The following PLEKHH2 variants were observed in gnomAD, a reference collection of about 807,000 sequenced individuals.
PLEKHH2 encodes the protein pleckstrin homology, MyTH4 and FERM domain containing H2, also known as pleckstrin homology domain-containing family H member 2.
Under a neutral mutation model 187.9 loss-of-function variants are expected in PLEKHH2, and 129 were observed. That is an observed-to-expected ratio of 0.69 (90% CI 0.59 to 0.79). The LOEUF is 0.79. Among genes scored for constraint, PLEKHH2 ranks in the 30% least tolerant of loss-of-function variants. PLEKHH2 has a pLI of 0.00. For missense variants in PLEKHH2, 2,076 were observed against 1,751.2 expected, an observed-to-expected ratio of 1.19 and a Z score of -3.31; for synonymous variants, 686 against 605.6, an observed-to-expected ratio of 1.13 and a Z score of -1.95.
In PLEKHH2 at chr2:43,644,661, A is replaced by AT; in HGVS notation, c.-3-3dup. 5 of 1,512,132 alleles carry AT rather than the reference A, an allele frequency of 3.3e-6. No individual in the cohort carries two copies. Among genetic ancestry groups the AT allele is most frequent in the Non-Finnish European group, 4.4e-6 (5 of 1,128,264 alleles). 93.7% of individuals were successfully genotyped at this position (1,512,132 alleles called of 1,614,324 possible). A position where few individuals can be genotyped will look rare whatever the true frequency, so the allele number is the denominator to read the frequency against. On this transcript the variant is annotated splice_polypyrimidine_tract_variant and intron_variant, in intron 1 of 29. Coordinates refer to ENST00000282406, the MANE Select transcript of PLEKHH2 (RefSeq NM_172069.4). ...TTTTAATTTTTTGTTTATTTATTTA[A>AT]TTTTTTTAGAATATGGCAGAGCTTT...
chr2:43,675,258 C>G, intron 2 of PLEKHH2: 3 of 589,044 alleles, frequency 5.1e-6, no homozygotes, highest in Non-Finnish European at 8.3e-6. Context: ...ATACTGTTTT[C>G]TAATAATATA....
intron 7 of PLEKHH2, among the ~76,000 whole-genome samples, chr2:43,698,054 A>G (rs898831868): frequency 1.3e-5 from 2 of 152,126 alleles, no homozygotes; most frequent in African/African-American, 4.8e-5. Flanking sequence ...TTCCCCAAAT[A>G]TTTTAGAGAG....
intron 2 of PLEKHH2, among the ~76,000 whole-genome samples, chr2:43,677,827 GC>G (rs1385236184): frequency 6.7e-6 from 1 of 148,228 alleles, no homozygotes; most frequent in Non-Finnish European, 1.5e-5. Flanking sequence ...TGGGCGGGGG[GC>G]TGACCCCCCC....
chr2:43,733,681 G>A (rs6544698), intron 19 of PLEKHH2, among the ~76,000 whole-genome samples: 62,117 of 152,070 alleles, frequency 0.41, 14,824 homozygotes, highest in African/African-American at 0.66. Context: ...TGGTAAAGTA[G>A]TATGATATAC....
intron 2 of PLEKHH2, chr2:43,675,915 GT>G: frequency 6.2e-7 from 1 of 1,614,082 alleles, no homozygotes; most frequent in Non-Finnish European, 8.5e-7. Context: ...GGAAGAACCA[GT>G]TGTAGTTGTC....
intron 5 of PLEKHH2, 105 bp from the exon 6 acceptor site, chr2:43,695,038 C>A: frequency 1.9e-6 from 1 of 530,338 alleles, no homozygotes; most frequent in Non-Finnish European, 3.0e-6. Context: ...ATTTTGCTTA[C>A]ACATGTAGAG....
chr2:43,678,302 C>T (rs555843885), intron 2 of PLEKHH2, among the ~76,000 whole-genome samples: 10 of 151,882 alleles, frequency 6.6e-5, no homozygotes, highest in South Asian at 2.1e-4. Flanking sequence ...ACTTCCCAGA[C>T]GGGGTGGCGG....
chr2:43,694,407 A>G lies in PLEKHH2; in HGVS notation c.337-24A>G, dbSNP rs748411209. 2.9e-5 allele frequency: 45 copies of G among 1,544,040 alleles called. 1 individual carries two copies. In the Middle Eastern group the frequency reaches 1.2e-3, roughly 41 times the overall value. On this transcript the variant is annotated intron_variant, in intron 4 of 29. Coordinates refer to ENST00000282406, the MANE Select transcript of PLEKHH2 (RefSeq NM_172069.4). ...GACCATTGAGTTTATGTTTGAACTA[A>G]ACAAATTGCTATTGTTATTTCAGAA...
At chr2:43,695,855 T>C (rs1669060335) in intron 6 of PLEKHH2, among the ~76,000 whole-genome samples, 1 of 152,222 alleles carries the variant, frequency 6.6e-6, no homozygotes, top group Non-Finnish European at 1.5e-5. Flanking sequence ...GTAGCTGCAT[T>C]GAACACTTTG....
At chr2:43,654,372 T>C (rs191813163) in intron 2 of PLEKHH2, among the ~76,000 whole-genome samples, 55 of 151,938 alleles carry the variant, frequency 3.6e-4, no homozygotes, top group Middle Eastern at 3.4e-3. Context: ...TTTTTTTGTA[T>C]TTTTAGTAGA....
chr2:43,715,437 G>T (rs1264750310), intron 15 of PLEKHH2, among the ~76,000 whole-genome samples: 1 of 152,138 alleles, frequency 6.6e-6, no homozygotes, highest in African/African-American at 2.4e-5. Context: ...AAACCCTGCA[G>T]GGTTTGTAAC....
intron 27 of PLEKHH2, among the ~76,000 whole-genome samples, chr2:43,760,359 C>CTTTTTTTTTT (rs763777313): frequency 1.7e-5 from 2 of 119,076 alleles, no homozygotes; most frequent in African/African-American, 3.5e-5. Flanking sequence ...ACCCTTTAAC[C>CTTTTTTTTTT]TTTTTTTTTT....
chr2:43,762,077 A>C (rs959755798), intron 27 of PLEKHH2, among the ~76,000 whole-genome samples: 1 of 152,200 alleles, frequency 6.6e-6, no homozygotes, highest in African/African-American at 2.4e-5. Context: ...ATCCAAATGC[A>C]TACATTAATA....
intron 2 of PLEKHH2, among the ~76,000 whole-genome samples, chr2:43,649,135 G>A (rs1264171905): frequency 6.6e-6 from 1 of 152,168 alleles, no homozygotes. Flanking sequence ...TCTTGGGCAA[G>A]TGCTGCTGTA....
chr2:43,761,785 A>T (rs959705267), intron 27 of PLEKHH2, among the ~76,000 whole-genome samples: 2 of 152,162 alleles, frequency 1.3e-5, no homozygotes, highest in African/African-American at 4.8e-5. Context: ...ACACAGTTTC[A>T]TATTTTCTTG....
intron 7 of PLEKHH2, among the ~76,000 whole-genome samples, chr2:43,697,975 A>C (rs1270849727): frequency 6.6e-6 from 1 of 152,116 alleles, no homozygotes; most frequent in Non-Finnish European, 1.5e-5. Context: ...AAAAGAAAAA[A>C]TCCATCTAAA....
intron 2 of PLEKHH2, among the ~76,000 whole-genome samples, chr2:43,649,965 C>T (rs1427201338): frequency 2.0e-5 from 3 of 152,116 alleles, no homozygotes; most frequent in Non-Finnish European, 2.9e-5. Context: ...GCAAATTTCC[C>T]TCTGCCACTT....
Position 43,743,932 on chromosome 2 carries a change from G to T in PLEKHH2, c.3498G>T (p.Leu1166Phe), listed in dbSNP as rs775899869. 9.3e-6 allele frequency: 15 copies of T among 1,614,112 alleles called. No individual in the cohort carries two copies. The highest frequency in any genetic ancestry group is 1.3e-5 in the Non-Finnish European group (15 of 1,180,000). The change falls in exon 23 of 30, where the codon TTG becomes TTT. Residue 1166 changes from leucine to phenylalanine, a missense_variant. Leu to Phe is a conservative substitution (Grantham distance 22). Coordinates refer to ENST00000282406, the MANE Select transcript of PLEKHH2 (RefSeq NM_172069.4). ...AACCAGCGCAGTCTGGATTTGCGTT[G>T]TTCACTGACGATCCTTCTGGCAGAG... ...MRKPAQSGFALFTDDPSGRDL... is the reference protein window; with the variant it reads ...MRKPAQSGFAFFTDDPSGRDL...
At chr2:43,673,869 T>C (rs1337840633) in intron 2 of PLEKHH2, among the ~76,000 whole-genome samples, 7 of 152,196 alleles carry the variant, frequency 4.6e-5, no homozygotes, top group Non-Finnish European at 1.0e-4. Flanking sequence ...TTTCAAGGAT[T>C]ACCTCCTTTT....
Sources: allele counts gnomAD v4.1 joint callset (sites outside exome capture counted in the v4.1 genomes callset), GRCh38; gene constraint gnomAD v4.1.1; transcripts MANE v1.5; gene names NCBI Gene and HGNC (gene_info 2026-07-23, HGNC 2026-07-21).